The following PIK3C3 variants were observed in gnomAD, a reference collection of about 807,000 sequenced individuals.
PIK3C3 encodes phosphatidylinositol 3-kinase catalytic subunit type 3.
A neutral mutation model predicts 126.1 loss-of-function variants in PIK3C3; 95 were observed. The observed-to-expected ratio is 0.75, with a 90% CI of 0.64 to 0.89. The LOEUF (loss-of-function observed/expected upper bound fraction) is 0.89, where lower values mean the gene tolerates loss of function less well. Ranked by LOEUF, PIK3C3 falls within the 40% of genes least tolerant of loss-of-function variation. The pLI is 0.00. For missense variants in PIK3C3, 829 were observed against 1,063.2 expected, an observed-to-expected ratio of 0.78 and a Z score of 3.06; for synonymous variants, 374 against 360.0, an observed-to-expected ratio of 1.04 and a Z score of -0.44.
intron 3 of PIK3C3, 110 bp downstream of exon 3, chr18:41,962,742 C>T: frequency 2.3e-6 from 2 of 880,930 alleles, no homozygotes; most frequent in Non-Finnish European, 3.4e-6. Context: ...CAGTGTAAAC[C>T]AGTTAGGTAC....
chr18:42,002,777 GTATT>G (rs1982351124), intron 9 of PIK3C3, among the ~76,000 whole-genome samples: 1 of 152,146 alleles, frequency 6.6e-6, no homozygotes, highest in Non-Finnish European at 1.5e-5. Context: ...AGAGAAACTC[GTATT>G]TAGTTTCTTA....
Position 42,042,090 on chromosome 18 carries a change from A to G in PIK3C3, c.2103+1349A>G, listed in dbSNP as rs148310761. Reference sequence around the variant, plus strand: ...CAAATAATATGCTTTATACTAAACAATCCACTTTCCTTCTGGGAGTCTGGA... The same window carrying G: ...CAAATAATATGCTTTATACTAAACAGTCCACTTTCCTTCTGGGAGTCTGGA... On this transcript the variant is annotated intron_variant, in intron 19 of 24. Transcript: ENST00000262039. Among the ~76,000 whole-genome samples the G allele has an allele frequency of 2.2e-3, 339 of 152,286 alleles. 1 individual carries two copies. The highest frequency in any genetic ancestry group is 7.5e-3 in the African/African-American group (311 of 41,552).
chr18:42,003,248 T>G (rs926256723), intron 9 of PIK3C3, among the ~76,000 whole-genome samples: 3 of 152,166 alleles, frequency 2.0e-5, no homozygotes, highest in Non-Finnish European at 4.4e-5. Flanking sequence ...AGGAATTGAT[T>G]AGTTTACTAA....
intron 22 of PIK3C3, among the ~76,000 whole-genome samples, chr18:42,063,835 C>T (rs1002987619): frequency 1.3e-5 from 2 of 151,988 alleles, no homozygotes; most frequent in East Asian, 1.9e-4. Context: ...CAGTGCAAGG[C>T]GCTTGGTTGA....
At chr18:42,006,985 T>C (rs1226192978) in intron 10 of PIK3C3, among the ~76,000 whole-genome samples, 3 of 147,124 alleles carry the variant, frequency 2.0e-5, no homozygotes, top group East Asian at 2.2e-4. Flanking sequence ...GGCCTCAGCC[T>C]CCCAAGTAGC....
intron 9 of PIK3C3, among the ~76,000 whole-genome samples, chr18:42,000,704 G>A (rs1031318681): frequency 2.0e-5 from 3 of 152,136 alleles, no homozygotes; most frequent in Non-Finnish European, 4.4e-5. Flanking sequence ...CATGATGGAA[G>A]GCAAGGAGGA....
At chr18:42,064,005 T>A (rs1305244379) in intron 22 of PIK3C3, among the ~76,000 whole-genome samples, 1 of 152,160 alleles carries the variant, frequency 6.6e-6, no homozygotes, top group East Asian at 1.9e-4. Context: ...GAGATTTATT[T>A]AAAACTTTCC....
intron 21 of PIK3C3, among the ~76,000 whole-genome samples, chr18:42,054,581 C>G (rs1230942591): frequency 6.6e-6 from 1 of 152,086 alleles, no homozygotes; most frequent in African/African-American, 2.4e-5. Flanking sequence ...ATCACAGCTT[C>G]TATCCTGATT....
At chr18:42,013,755 C>G (rs1982940903) in intron 11 of PIK3C3, among the ~76,000 whole-genome samples, 159 bp downstream of exon 11, 1 of 152,098 alleles carries the variant, frequency 6.6e-6, no homozygotes, top group Non-Finnish European at 1.5e-5. Flanking sequence ...ACACAGATTA[C>G]TATATTAGGG....
intron 14 of PIK3C3, 140 bp downstream of exon 14, chr18:42,027,688 T>G: frequency 2.8e-6 from 1 of 359,386 alleles, no homozygotes; most frequent in South Asian, 5.2e-5. Flanking sequence ...GGAGGCTTGC[T>G]CTGTTACCCA....
rs377155900 is a variant in PIK3C3, at chr18:41,987,793, C to G, written c.532-19C>G. The G allele has an allele frequency of 3.8e-6, 6 of 1,577,350 alleles. No homozygotes were observed. Among genetic ancestry groups the G allele is most frequent in the Non-Finnish European group, 5.2e-6 (6 of 1,152,358 alleles). On this transcript the variant is annotated intron_variant, in intron 4 of 24. Coordinates refer to ENST00000262039, the MANE Select transcript of PIK3C3 (RefSeq NM_002647.4). ...ACTAGATGTATATTAAAATTTTCGT[C>G]ATTGTATTTATTCTGCAGCTCACCA...
At chr18:42,078,690 T>G (rs1057377549) in intron 24 of PIK3C3, among the ~76,000 whole-genome samples, 2 of 152,246 alleles carry the variant, frequency 1.3e-5, no homozygotes, top group Admixed American at 6.5e-5. Flanking sequence ...ATTGAAAACC[T>G]GTTACTTAGT....
chr18:41,970,628 A>C (rs763538060), intron 4 of PIK3C3, 172 bp downstream of exon 4: 1 of 665,332 alleles, frequency 1.5e-6, no homozygotes. Flanking sequence ...CTTGGAAAGC[A>C]TACAGTCTGA....
chr18:41,959,355 T>G (rs1187781332), intron 2 of PIK3C3, among the ~76,000 whole-genome samples: 5 of 152,184 alleles, frequency 3.3e-5, no homozygotes, highest in African/African-American at 1.2e-4. Flanking sequence ...TATTATATGT[T>G]TGCAAGAATA....
intron 21 of PIK3C3, among the ~76,000 whole-genome samples, chr18:42,054,256 C>G (rs1437418772): frequency 6.9e-6 from 1 of 144,006 alleles, no homozygotes; most frequent in African/African-American, 2.6e-5. Context: ...TGTCTGCAGG[C>G]TGAGGAGCAA....
At position 42,064,840 on chromosome 18, in the gene PIK3C3, A is replaced by C; in HGVS notation, c.2523+10A>C. ...TAAAACTGTGAAAAAGGTAATTTTTAAGTAACATAAATGAAGAGCTCTTCT... is the reference window on the plus strand; with the variant it reads ...TAAAACTGTGAAAAAGGTAATTTTTCAGTAACATAAATGAAGAGCTCTTCT... On this transcript the variant is annotated intron_variant, in intron 23 of 24. Coordinates refer to ENST00000262039, the MANE Select transcript of PIK3C3 (RefSeq NM_002647.4). 1 of 1,392,444 alleles carries C rather than the reference A, an allele frequency of 7.2e-7. No individual in the cohort carries two copies. The highest frequency in any genetic ancestry group is 1.2e-5 in the South Asian group (1 of 86,146). 86.3% of individuals were successfully genotyped at this position (1,392,444 alleles called of 1,614,324 possible).
In PIK3C3 at chr18:42,064,677, A is replaced by G; in HGVS notation, c.2433-63A>G. On this transcript the variant is annotated intron_variant, in intron 22 of 24. Transcript: ENST00000262039. ...TACCACTACTTCTAAAGTATTCTTA[A>G]TATGAGAAAGAAATGCAGAATTCTT... The G allele has an allele frequency of 1.4e-5, 11 of 782,218 alleles. No individual in the cohort carries two copies. The South Asian group carries it at 1.6e-4, about 12-fold the overall frequency. 48.5% of individuals were successfully genotyped at this position (782,218 alleles called of 1,614,324 possible). A position where few individuals can be genotyped will look rare whatever the true frequency, so the allele number is the denominator to read the frequency against.
At chr18:42,074,054 T>C (rs1042541728) in intron 24 of PIK3C3, among the ~76,000 whole-genome samples, 9 of 152,206 alleles carry the variant, frequency 5.9e-5, no homozygotes, top group Non-Finnish European at 1.0e-4. Context: ...CTCTTCCATT[T>C]TTTAGTTACT....
At chr18:42,016,578 A>G (rs1218172655) in intron 12 of PIK3C3, among the ~76,000 whole-genome samples, 3 of 152,196 alleles carry the variant, frequency 2.0e-5, no homozygotes, top group Non-Finnish European at 4.4e-5. Flanking sequence ...ACTTGTTACT[A>G]AAAAAGTAAC....
Sources: allele counts gnomAD v4.1 joint callset (sites outside exome capture counted in the v4.1 genomes callset), GRCh38; gene constraint gnomAD v4.1.1; transcripts MANE v1.5; gene names NCBI Gene and HGNC (gene_info 2026-07-23, HGNC 2026-07-21).